Variants in AGMO observed in about 807,000 individuals in gnomAD.
AGMO encodes the protein glyceryl-ether monooxygenase.
AGMO carries 75 observed loss-of-function variants against 60.2 expected under a neutral mutation model. That is an observed-to-expected ratio of 1.25 (90% CI 1.03 to 1.51). The LOEUF (loss-of-function observed/expected upper bound fraction) is 1.51. AGMO is among the 40% of genes most tolerant of loss of function. The pLI is 0.00. For synonymous variants in AGMO, 261 were observed against 177.1 expected (o/e 1.47, Z -3.76); for missense variants, 763 against 525.5 (o/e 1.45, Z -4.42).
the AGMO span, among the ~76,000 whole-genome samples, chr7:15,144,102 A>C: frequency 6.6e-6 from 1 of 152,192 alleles, no homozygotes; most frequent in Non-Finnish European, 1.5e-5. Flanking sequence ...GTTAAATCTG[A>C]ATATCATATT....
At chr7:15,487,289 C>G (rs10251732) in intron 3 of AGMO, among the ~76,000 whole-genome samples, 100,447 of 151,938 alleles carry the variant, frequency 0.66, 33,761 homozygotes, top group East Asian at 0.97. Flanking sequence ...ATAAGACTTA[C>G]AGTCTTGTCA....
chr7:15,190,114 T>C, the AGMO span, among the ~76,000 whole-genome samples: 7 of 1,710 alleles, frequency 4.1e-3, no homozygotes, highest in African/African-American at 9.7e-3. Context: ...TATATATATA[T>C]ATATATATAT....
At chr7:15,367,199 A>T (rs1025022586) in intron 10 of AGMO, among the ~76,000 whole-genome samples, 4 of 151,978 alleles carry the variant, frequency 2.6e-5, no homozygotes, top group African/African-American at 9.7e-5. Context: ...ATTAAAGGGT[A>T]CAGTTGCATA....
chr7:15,299,976 G>A (rs1208051156), intron 12 of AGMO, among the ~76,000 whole-genome samples: 1 of 151,792 alleles, frequency 6.6e-6, no homozygotes, highest in Non-Finnish European at 1.5e-5. Context: ...AGTTACAGAG[G>A]GAAGAAAGCT....
chr7:15,325,601 A>G (rs1781313364), intron 12 of AGMO, among the ~76,000 whole-genome samples: 1 of 152,166 alleles, frequency 6.6e-6, no homozygotes, highest in Admixed American at 6.6e-5. Context: ...TAAAATATAA[A>G]CAATCAAAAA....
At position 15,338,371 on chromosome 7, in the gene AGMO, C is replaced by T. The variant is rs374745308; in HGVS notation, c.1263+27143G>A. Among the ~76,000 whole-genome samples, 51 of 152,146 alleles carry T rather than the reference C, an allele frequency of 3.4e-4. No homozygotes were observed. In the East Asian group the frequency reaches 7.0e-3, roughly 21 times the overall value. ...ATTAATTTTTAACTGTAGAGAAGGA[C>T]AATATAATTGCATTCTAATCAGTCA... On this transcript the variant is annotated intron_variant, in intron 12 of 12. Transcript: ENST00000342526.
intron 12 of AGMO, among the ~76,000 whole-genome samples, chr7:15,285,472 C>A (rs1157127807): frequency 6.6e-6 from 1 of 151,874 alleles, no homozygotes; most frequent in African/African-American, 2.4e-5. Context: ...ATTCCTTTTA[C>A]AATAGCTGAA....
chr7:15,299,723 G>C (rs1355489260), intron 12 of AGMO, among the ~76,000 whole-genome samples: 1 of 152,082 alleles, frequency 6.6e-6, no homozygotes, highest in African/African-American at 2.4e-5. Flanking sequence ...AGCTACTTGG[G>C]AGGCTGAGGC....
intron 5 of AGMO, among the ~76,000 whole-genome samples, chr7:15,403,810 T>G (rs774149601): frequency 6.6e-6 from 1 of 151,994 alleles, no homozygotes; most frequent in Non-Finnish European, 1.5e-5. Flanking sequence ...ATTTCTGCTG[T>G]GTTAATTCAA....
At chr7:15,124,970 T>C in the AGMO span, among the ~76,000 whole-genome samples, 2 of 151,980 alleles carry the variant, frequency 1.3e-5, no homozygotes, top group Admixed American at 6.6e-5. Context: ...AAAAGAGAGT[T>C]TGGTAAATTT....
chr7:15,340,232 C>T (rs188600639), intron 12 of AGMO, among the ~76,000 whole-genome samples: 3 of 152,294 alleles, frequency 2.0e-5, no homozygotes, highest in Admixed American at 2.0e-4. Flanking sequence ...GCACGTTACA[C>T]ACCTGCAGTT....
rs1471098626 is a variant in AGMO at position 15,355,094 on chromosome 7, A to G, written c.1263+10420T>C. On this transcript the variant is annotated intron_variant, in intron 12 of 12. Coordinates refer to ENST00000342526, the MANE Select transcript of AGMO (RefSeq NM_001004320.2). ...ATTTTCCAATGTTTCAGAAATTTTG[A>G]TATGATGTAGGGTGAATTTGGGATT... Among the ~76,000 whole-genome samples, 7 of 152,202 alleles carry G rather than the reference A, an allele frequency of 4.6e-5. No individual in the cohort carries two copies. The South Asian group carries it at 6.2e-4, about 14-fold the overall frequency.
chr7:15,452,565 T>C (rs1781884117), intron 3 of AGMO, among the ~76,000 whole-genome samples: 1 of 152,102 alleles, frequency 6.6e-6, no homozygotes, highest in South Asian at 2.1e-4. Flanking sequence ...ATGGCTATAA[T>C]AAAAAAGATG....
chr7:15,437,877 A>G (rs966985462), intron 3 of AGMO, among the ~76,000 whole-genome samples: 1 of 152,160 alleles, frequency 6.6e-6, no homozygotes. Flanking sequence ...TCTCTCTAGA[A>G]GAGTAAGCTC....
chr7:15,244,931 C>T (rs752734448), intron 12 of AGMO, among the ~76,000 whole-genome samples: 5 of 152,150 alleles, frequency 3.3e-5, no homozygotes, highest in Admixed American at 6.5e-5. Context: ...GGATTACAGG[C>T]GTAAGCCACC....
At chr7:15,387,561 G>T in intron 8 of AGMO, 21 bp from the exon 9 acceptor site, 1 of 1,577,234 alleles carries the variant, frequency 6.3e-7, no homozygotes, top group South Asian at 1.2e-5. Context: ...TAAAAAAAGA[G>T]CTTATTTCAC....
In AGMO at chr7:15,390,673, G is replaced by A; in HGVS notation, c.820C>T (p.Gln274Ter). 1.9e-6 allele frequency: 3 copies of A among 1,587,140 alleles called. No individual in the cohort carries two copies. The highest frequency in any genetic ancestry group is 1.7e-6 in the Non-Finnish European group (2 of 1,162,560). The change falls in exon 8 of 13, where the codon CAG becomes TAG. Residue 274 changes from glutamine (Q) to a stop codon, truncating the protein, a stop_gained and splice_region_variant. Coordinates refer to ENST00000342526, the MANE Select transcript of AGMO (RefSeq NM_001004320.2). LOFTEE classifies it high-confidence loss of function. ...PINTFEPIKV[Q>*]FHHLFSIWTT... ...AGAATAAAAAACAAGTATGTTACCT[G>A]CACTTTGATTGGTTCAAATGTATTA... is the stretch of plus-strand genomic sequence containing the variant.
At chr7:15,318,772 T>C (rs1395624525) in intron 12 of AGMO, among the ~76,000 whole-genome samples, 1 of 152,174 alleles carries the variant, frequency 6.6e-6, no homozygotes, top group African/African-American at 2.4e-5. Context: ...TTTTTCTTTG[T>C]TTTTATCAAT....
At chr7:15,180,877 G>A in the AGMO span, among the ~76,000 whole-genome samples, 1 of 152,182 alleles carries the variant, frequency 6.6e-6, no homozygotes, top group Non-Finnish European at 1.5e-5. Flanking sequence ...CCCAAGAGCA[G>A]GGCACCAGCA....
Sources: allele counts gnomAD v4.1 joint callset (sites outside exome capture counted in the v4.1 genomes callset), GRCh38; gene constraint gnomAD v4.1.1; transcripts MANE v1.5; gene names NCBI Gene and HGNC (gene_info 2026-07-23, HGNC 2026-07-21).